Variants in MAGI2 observed in about 807,000 individuals in gnomAD.
MAGI2 encodes the protein membrane associated guanylate kinase, WW and PDZ domain containing 2.
Under a neutral mutation model 133.3 loss-of-function variants are expected in MAGI2, and 35 were observed. The ratio of observed to expected loss-of-function variants is 0.26; its 90% CI spans 0.20 to 0.35. The LOEUF (loss-of-function observed/expected upper bound fraction) is 0.35. Ranked by LOEUF, MAGI2 falls within the 10% of genes least tolerant of loss-of-function variation. The pLI is 1.00. For missense variants in MAGI2, 1,636 were observed against 1,863.4 expected (o/e 0.88, Z 2.25); for synonymous variants, 729 against 710.6 (o/e 1.03, Z -0.41).
intron 1 of MAGI2, among the ~76,000 whole-genome samples, chr7:79,135,985 A>AAGACAGAGAGAG (rs1562928620): frequency 2.4e-5 from 1 of 42,034 alleles, no homozygotes; most frequent in African/African-American, 4.8e-5. Context: ...GAAAGAAAGA[A>AAGACAGAGAGAG]AGAAAGAAAG....
chr7:79,450,702 C>T (rs1287712414), intron 1 of MAGI2, among the ~76,000 whole-genome samples: 1 of 152,102 alleles, frequency 6.6e-6, no homozygotes, highest in Middle Eastern at 3.2e-3. Context: ...AGAGTGATCT[C>T]CAACCACATT....
chr7:78,841,293 G>A (rs1350774560), intron 2 of MAGI2, among the ~76,000 whole-genome samples: 1 of 152,032 alleles, frequency 6.6e-6, no homozygotes, highest in Non-Finnish European at 1.5e-5. Flanking sequence ...CACATGTGAT[G>A]TCTCCCAAAC....
chr7:78,343,718 T>C (rs1790621339), intron 9 of MAGI2, 60 bp downstream of exon 9: 13 of 1,311,528 alleles, frequency 9.9e-6, no homozygotes, highest in South Asian at 6.7e-5. Flanking sequence ...AAGCTCCTTA[T>C]ATTTGCCTTC....
intron 1 of MAGI2, among the ~76,000 whole-genome samples, chr7:79,306,959 G>A (rs1055879233): frequency 7.9e-5 from 12 of 151,930 alleles, no homozygotes; most frequent in African/African-American, 2.4e-4. Flanking sequence ...GATTACAGGC[G>A]ACCGCCACCA....
chr7:78,337,528 C>T (rs1789898290), intron 9 of MAGI2, among the ~76,000 whole-genome samples: 2 of 152,110 alleles, frequency 1.3e-5, no homozygotes, highest in Non-Finnish European at 2.9e-5. Flanking sequence ...ATCTTTTTGC[C>T]TAAATTAGAG....
At chr7:78,059,973 G>A (rs1410739737) in intron 21 of MAGI2, among the ~76,000 whole-genome samples, 1 of 152,066 alleles carries the variant, frequency 6.6e-6, no homozygotes, top group Non-Finnish European at 1.5e-5. Context: ...CACAGGTCCT[G>A]GCTACCTTAT....
intron 3 of MAGI2, among the ~76,000 whole-genome samples, chr7:78,614,086 G>C (rs1376196336): frequency 2.7e-5 from 4 of 148,170 alleles, no homozygotes; most frequent in African/African-American, 1.0e-4. Context: ...CTCCAGCCTG[G>C]GTGACAGAGT....
chr7:78,249,539 T>G (rs1387303628), intron 10 of MAGI2, among the ~76,000 whole-genome samples: 3 of 152,194 alleles, frequency 2.0e-5, no homozygotes, highest in Non-Finnish European at 4.4e-5. Flanking sequence ...CAAAAGAGAA[T>G]GAAATCCTGT....
rs533895254 is a variant in MAGI2 at position 78,117,118 on chromosome 7, A to G, written c.3567+8576T>C. 2.6e-5 allele frequency among the ~76,000 whole-genome samples: 4 copies of G among 151,582 alleles called. No individual in the cohort carries two copies. The Admixed American group carries it at 2.6e-4, about 10-fold the overall frequency. On this transcript the variant is annotated intron_variant, in intron 20 of 21. Transcript: ENST00000354212. ...AACATTCAAGGATAATTCAAAACATACATAAACTTTCCCAGACAACAACTG... is the reference window on the plus strand; with the variant it reads ...AACATTCAAGGATAATTCAAAACATGCATAAACTTTCCCAGACAACAACTG...
chr7:79,142,145 A>T (rs993275294), intron 1 of MAGI2, among the ~76,000 whole-genome samples: 4 of 152,200 alleles, frequency 2.6e-5, no homozygotes, highest in Non-Finnish European at 1.5e-5. Context: ...AATTACAGGC[A>T]ATATAGATCA....
chr7:78,094,885 G>T (rs1817558989), intron 20 of MAGI2, among the ~76,000 whole-genome samples: 1 of 152,084 alleles, frequency 6.6e-6, no homozygotes, highest in African/African-American at 2.4e-5. Context: ...TAGGCTGAAG[G>T]CTTGAGCTAC....
At chr7:78,879,082 C>T (rs905680263) in intron 2 of MAGI2, among the ~76,000 whole-genome samples, 2 of 152,202 alleles carry the variant, frequency 1.3e-5, no homozygotes, top group Non-Finnish European at 2.9e-5. Flanking sequence ...CCCACCCCCA[C>T]AGAGAACTTG....
chr7:79,063,276 A>G (rs1446904136), intron 1 of MAGI2, among the ~76,000 whole-genome samples: 1 of 152,124 alleles, frequency 6.6e-6, no homozygotes, highest in Non-Finnish European at 1.5e-5. Flanking sequence ...TCATATTATC[A>G]TCAGCCAAAT....
chr7:78,203,199 C>T (rs1829431060), intron 10 of MAGI2, among the ~76,000 whole-genome samples: 1 of 152,222 alleles, frequency 6.6e-6, no homozygotes, highest in Non-Finnish European at 1.5e-5. Flanking sequence ...CTTCTTCCTG[C>T]AATGCCCAAA....
intron 1 of MAGI2, among the ~76,000 whole-genome samples, chr7:79,107,662 T>G (rs961874528): frequency 1.3e-5 from 2 of 152,228 alleles, no homozygotes; most frequent in Non-Finnish European, 2.9e-5. Flanking sequence ...GAAATTCTTA[T>G]GCATACTCCA....
intron 2 of MAGI2, among the ~76,000 whole-genome samples, chr7:78,783,707 C>T (rs1826578825): frequency 6.6e-6 from 1 of 152,200 alleles, no homozygotes; most frequent in African/African-American, 2.4e-5. Flanking sequence ...TCTCCTTCCT[C>T]AAGCAACCAC....
At chr7:79,387,094 TTGTGTGTGTGTGTG>T (rs3050633) in intron 1 of MAGI2, among the ~76,000 whole-genome samples, 3 of 141,506 alleles carry the variant, frequency 2.1e-5, no homozygotes, top group Non-Finnish European at 4.6e-5. Flanking sequence ...ATTTTTATGC[TTGTGTGTGTGTGTG>T]TGTGTGTGTG....
At chr7:78,729,905 A>G (rs1250432843) in intron 2 of MAGI2, among the ~76,000 whole-genome samples, 2 of 152,226 alleles carry the variant, frequency 1.3e-5, no homozygotes, top group East Asian at 1.9e-4. Context: ...TCAGTCTACT[A>G]TGAGTAAGCT....
chr7:79,430,153 G>T lies in MAGI2; in HGVS notation c.301+22867C>A, dbSNP rs1035278024. 5.9e-5 allele frequency among the ~76,000 whole-genome samples: 9 copies of T among 152,024 alleles called. 1 individual carries two copies. The highest frequency in any genetic ancestry group is 1.3e-4 in the Non-Finnish European group (9 of 67,992). Reference sequence around the variant, plus strand: ...GTATTTGCTAAATAGGAAATATCCAGATTTTATTTTTTAAATATTCTATAA... The same window carrying T: ...GTATTTGCTAAATAGGAAATATCCATATTTTATTTTTTAAATATTCTATAA... On this transcript the variant is annotated intron_variant, in intron 1 of 21. Transcript: ENST00000354212.
Sources: gnomAD v4.1 joint callset for allele counts (sites outside exome capture counted in the v4.1 genomes callset) on GRCh38, gnomAD v4.1.1 for gene constraint, MANE v1.5 for transcripts, NCBI Gene and HGNC (gene_info 2026-07-23, HGNC 2026-07-21) for gene names.